The following RUSC2 variants were observed in gnomAD, a reference collection of about 807,000 sequenced individuals.
The protein encoded by RUSC2 is AP-4 complex accessory subunit RUSC2.
Under a neutral mutation model 122.2 loss-of-function variants are expected in RUSC2, and 34 were observed. That is an observed-to-expected ratio of 0.28 (90% confidence interval 0.21 to 0.37). The LOEUF is 0.37. RUSC2 is among the 10% of genes least tolerant of loss of function. The pLI is 1.00. For synonymous variants in RUSC2, 784 were observed against 790.0 expected (o/e 0.99, Z 0.13); for missense variants, 1,747 against 1,952.4 (o/e 0.89, Z 1.98).
chr9:35,558,932 A>G lies in RUSC2; in HGVS notation c.3342-294A>G, dbSNP rs1456493846. On this transcript the variant is annotated intron_variant, in intron 8 of 11. Coordinates refer to ENST00000361226, the MANE Select transcript of RUSC2 (RefSeq NM_014806.5). This position sits in a 1 kb window ranked among gnomAD's most constrained non-coding sequence, Gnocchi z 4.3. The stretch of plus-strand genomic sequence containing the variant: ...ATCCTAGTAACATGCTTTCTCAGGT[A>G]TGGGCCCAGGCCATTCCCTTTGGCC... Among the ~76,000 whole-genome samples, 1 of 152,226 alleles carries G rather than the reference A, an allele frequency of 6.6e-6. No individual in the cohort carries two copies. The highest frequency in any genetic ancestry group is 2.4e-5 in the African/African-American group (1 of 41,440).
intron 1 of RUSC2, among the ~76,000 whole-genome samples, chr9:35,522,323 T>A (rs905346902): frequency 6.6e-6 from 1 of 152,254 alleles, no homozygotes; most frequent in Non-Finnish European, 1.5e-5. Flanking sequence ...CAACAAACTA[T>A]GGTCAGTTCT....
chr9:35,559,139 T>G, intron 8 of RUSC2, 87 bp from the exon 9 acceptor site: 1 of 1,080,078 alleles, frequency 9.3e-7, no homozygotes, highest in Non-Finnish European at 1.4e-6. Context: ...TGTTCACCTA[T>G]TCTTCCTGTG....
rs1372741759 is a variant in RUSC2 at position 35,556,307 on chromosome 9, G to C, written c.2843-1G>C. 6.2e-7 allele frequency: 1 copy of C among 1,613,996 alleles called. No individual in the cohort carries two copies. Among genetic ancestry groups the C allele is most frequent in the Non-Finnish European group, 8.5e-7 (1 of 1,179,962 alleles). ...AGGATTGATTTTTCTCTTCTTTCCA[G>C]GCCAAGCAGTGAAGCCGTTACCACT... On this transcript the variant is annotated splice_acceptor_variant, in intron 4 of 11. Transcript: ENST00000361226. LOFTEE classifies it high-confidence loss of function.
intron 1 of RUSC2, among the ~76,000 whole-genome samples, chr9:35,543,344 T>G (rs1393929404): frequency 6.6e-6 from 1 of 151,838 alleles, no homozygotes; most frequent in East Asian, 1.9e-4. Context: ...ATCACTTGAG[T>G]CCAAGAGGCT....
chr9:35,547,159 G>T lies in RUSC2; in HGVS notation c.638G>T (p.Ser213Ile). 1 of 1,614,210 alleles carries T rather than the reference G, an allele frequency of 6.2e-7. No individual in the cohort carries two copies. Among genetic ancestry groups the T allele is most frequent in the East Asian group, 2.2e-5 (1 of 44,884 alleles). Residue 213 changes from serine (S) to isoleucine (I), a missense_variant, in exon 2 of 12, where the codon AGT becomes ATT. Ser to Ile is a moderately radical substitution (Grantham distance 142). Coordinates refer to ENST00000361226, the MANE Select transcript of RUSC2 (RefSeq NM_014806.5). The surrounding 1 kb of genome is among the most constrained non-coding windows in gnomAD (Gnocchi z 4.6). Reference sequence around the variant, plus strand: ...TGTGGGGGACCTGGTGGGAGTGGCAGTGGGGGTGGAGCCAGCGATACCTCT... The same window carrying T: ...TGTGGGGGACCTGGTGGGAGTGGCATTGGGGGTGGAGCCAGCGATACCTCT... ...DECGGPGGSG[S>I]GGGASDTSGF...
intron 2 of RUSC2, among the ~76,000 whole-genome samples, chr9:35,549,935 G>A (rs190815781): frequency 2.0e-5 from 3 of 152,300 alleles, no homozygotes; most frequent in Non-Finnish European, 2.9e-5. Context: ...AATTGGGCTG[G>A]GCACAGTGGC....
chr9:35,560,762 A>C lies in RUSC2; in HGVS notation c.4122A>C (p.Glu1374Asp). ...GPAASPAENE[E>D]GASEPSPGGI... ...CTGCCTCGCCAGCAGAAAATGAGGA[A>C]GGGGCCTCAGAGCCTTCACCTGGAG... The change falls in exon 10 of 12, where the codon GAA (glutamate) becomes GAC (aspartate). Residue 1374 changes from glutamate to aspartate, a missense_variant. Glu to Asp is a conservative substitution (Grantham distance 45). Coordinates refer to ENST00000361226, the MANE Select transcript of RUSC2 (RefSeq NM_014806.5). 2 of 1,539,912 alleles carry C rather than the reference A, an allele frequency of 1.3e-6. No homozygotes were observed. Among genetic ancestry groups the C allele is most frequent in the Non-Finnish European group, 1.7e-6 (2 of 1,145,834 alleles).
chr9:35,536,808 C>CAAAAAAAAAAAAAAAAAAAAA, intron 1 of RUSC2, among the ~76,000 whole-genome samples: 1 of 69,620 alleles, frequency 1.4e-5, no homozygotes, highest in Non-Finnish European at 2.5e-5. Context: ...GAGTGAAACT[C>CAAAAAAAAAAAAAAAAAAAAA]AAAAAAAAAA....
intron 1 of RUSC2, among the ~76,000 whole-genome samples, chr9:35,535,213 T>C (rs903980583): frequency 8.5e-5 from 13 of 152,100 alleles, no homozygotes; most frequent in African/African-American, 3.1e-4. Flanking sequence ...CCTCCTGAGT[T>C]CAAGTGATTC....
chr9:35,536,876 G>T lies in RUSC2; in HGVS notation c.-92-9554G>T, dbSNP rs149783581. Among the ~76,000 whole-genome samples the T allele has an allele frequency of 7.3e-5, 11 of 151,606 alleles. No individual in the cohort carries two copies. The East Asian group carries it at 1.8e-3, about 24-fold the overall frequency. ...TGACCTCTAAAGCCAAAATGAGGAG[G>T]CTCAACTTGATTCTCTGGGTAATGA... On this transcript the variant is annotated intron_variant, in intron 1 of 11. Coordinates refer to ENST00000361226, the MANE Select transcript of RUSC2 (RefSeq NM_014806.5).
Position 35,555,199 on chromosome 9 carries a change from G to A in RUSC2, c.2154G>A (p.Gln718=). 6.2e-7 allele frequency: 1 copy of A among 1,613,346 alleles called. No homozygotes were observed. The highest frequency in any genetic ancestry group is 1.3e-5 in the African/African-American group (1 of 75,042). The change falls in exon 3 of 12, where the codon CAG becomes CAA. Residue 718 remains glutamine (Q), a synonymous_variant. Transcript: ENST00000361226. The surrounding 1 kb of genome is among the most constrained non-coding windows in gnomAD (Gnocchi z 4.6). Reference sequence around the variant, plus strand: ...CCCGGGCCCTCCACAGCCTTTCCCAGCTCTACAGCCTCTCAGGCTGCAGCC... The same window carrying A: ...CCCGGGCCCTCCACAGCCTTTCCCAACTCTACAGCCTCTCAGGCTGCAGCC... The part of the protein sequence containing the change: ...AKARALHSLS[Q]LYSLSGCSRT...
chr9:35,557,537 C>T lies in RUSC2; in HGVS notation c.2984-377C>T, dbSNP rs993076238. Among the ~76,000 whole-genome samples the T allele has an allele frequency of 6.6e-6, 1 of 152,124 alleles. No individual in the cohort carries two copies. The highest frequency in any genetic ancestry group is 1.5e-5 in the Non-Finnish European group (1 of 68,024). ...GCTGACAAGCCATGTGTCAAAGAACCGCCCTTGTCTGGCACTGGCACTGGG... is the reference window on the plus strand; with the variant it reads ...GCTGACAAGCCATGTGTCAAAGAACTGCCCTTGTCTGGCACTGGCACTGGG... On this transcript the variant is annotated intron_variant, in intron 5 of 11. Coordinates refer to ENST00000361226, the MANE Select transcript of RUSC2 (RefSeq NM_014806.5). The surrounding 1 kb of genome is among the most constrained non-coding windows in gnomAD (Gnocchi z 4.6).
chr9:35,561,163 C>T lies in RUSC2; in HGVS notation c.4350-18C>T. 1 of 1,613,788 alleles carries T rather than the reference C, an allele frequency of 6.2e-7. No individual in the cohort carries two copies. The highest frequency in any genetic ancestry group is 8.5e-7 in the Non-Finnish European group (1 of 1,179,856). ...CTTTTGAGGGGGTTTCTCTGACCTCCATGTGCTGTTTCCCCAGTGAGGTGC... is the reference window on the plus strand; with the variant it reads ...CTTTTGAGGGGGTTTCTCTGACCTCTATGTGCTGTTTCCCCAGTGAGGTGC... On this transcript the variant is annotated intron_variant, in intron 11 of 11. Coordinates refer to ENST00000361226, the MANE Select transcript of RUSC2 (RefSeq NM_014806.5).
chr9:35,516,223 C>A (rs1426129210), intron 1 of RUSC2, among the ~76,000 whole-genome samples: 1 of 152,018 alleles, frequency 6.6e-6, no homozygotes, highest in Non-Finnish European at 1.5e-5. Flanking sequence ...CAGTTTGCCA[C>A]CTGTTTACAG....
intron 1 of RUSC2, among the ~76,000 whole-genome samples, chr9:35,528,917 T>G (rs1821369486): frequency 6.6e-6 from 1 of 151,740 alleles, no homozygotes; most frequent in Non-Finnish European, 1.5e-5. Context: ...GAGACCCCCA[T>G]CTTTAAAAAA....
chr9:35,547,744 C>T lies in RUSC2; in HGVS notation c.1223C>T (p.Ser408Leu), dbSNP rs747853468. The change falls in exon 2 of 12, where the codon TCA becomes TTA. Residue 408 changes from serine (S) to leucine (L), a missense_variant. Coordinates refer to ENST00000361226, the MANE Select transcript of RUSC2 (RefSeq NM_014806.5). This position sits in a 1 kb window ranked among gnomAD's most constrained non-coding sequence, Gnocchi z 4.6. ...GTCACCTGTGACCTATCTTCCCAAT[C>T]ATCCCCAAGCCCTGCTGGCTCTTCC... Reference protein sequence around the residue: ...KLVTCDLSSQSSPSPAGSSIT... With the variant: ...KLVTCDLSSQLSPSPAGSSIT... 3 of 1,614,190 alleles carry T rather than the reference C, an allele frequency of 1.9e-6. No individual in the cohort carries two copies. Among genetic ancestry groups the T allele is most frequent in the Non-Finnish European group, 1.7e-6 (2 of 1,180,050 alleles).
chr9:35,561,663 G>C lies in RUSC2; in HGVS notation c.*281G>C, dbSNP rs1822180683. 1.8e-6 allele frequency: 1 copy of C among 542,460 alleles called. No homozygotes were observed. The highest frequency in any genetic ancestry group is 3.2e-6 in the Non-Finnish European group (1 of 308,734). The allele number at this position is 542,460 out of a possible 1,614,324, so 33.6% of individuals were successfully genotyped here. On this transcript the variant is annotated 3_prime_UTR_variant, in exon 12 of 12. Transcript: ENST00000361226. ...CCAACCCTTCCATGGGTGAAGACAA[G>C]CAAGTCCCCCTGGAGGCGGGTGGCC... is the stretch of plus-strand genomic sequence containing the variant.
intron 1 of RUSC2, among the ~76,000 whole-genome samples, chr9:35,525,354 C>T (rs1055885984): frequency 6.6e-6 from 1 of 152,196 alleles, no homozygotes; most frequent in Non-Finnish European, 1.5e-5. Flanking sequence ...AATGCAGTTC[C>T]ACTCAAAGTT....
At chr9:35,515,747 C>T (rs1018036109) in intron 1 of RUSC2, among the ~76,000 whole-genome samples, 2 of 151,814 alleles carry the variant, frequency 1.3e-5, no homozygotes, top group African/African-American at 4.8e-5. Context: ...ACCTATAATT[C>T]CGACACTTTG....
Sources: gnomAD v4.1 joint callset for allele counts (sites outside exome capture counted in the v4.1 genomes callset) on GRCh38, gnomAD v4.1.1 for gene constraint, Gnocchi (gnomAD v3.1) non-coding constraint, MANE v1.5 for transcripts, NCBI Gene and HGNC (gene_info 2026-07-23, HGNC 2026-07-21) for gene names.